Variants in WDPCP observed in about 807,000 individuals in gnomAD.
The protein encoded by WDPCP is WD repeat-containing and planar cell polarity effector protein fritz homolog.
WDPCP carries 71 observed loss-of-function variants against 93.1 expected under a neutral mutation model. The observed-to-expected ratio is 0.76, with a 90% CI of 0.63 to 0.93. The LOEUF (loss-of-function observed/expected upper bound fraction) is 0.93. Among genes scored for constraint, WDPCP ranks in the 40% least tolerant of loss-of-function variants. WDPCP has a pLI of 0.00. For synonymous variants in WDPCP, 315 were observed against 315.0 expected (o/e 1.00, Z 0.00); for missense variants, 844 against 887.4 (o/e 0.95, Z 0.62).
intron 12 of WDPCP, 180 bp downstream of exon 12, chr2:63,378,206 A>G: frequency 4.8e-6 from 4 of 831,552 alleles, no homozygotes; most frequent in Non-Finnish European, 5.5e-6. Context: ...TAATATTCAA[A>G]TATTTCCTTA....
At chr2:63,235,172 A>T (rs1408969389) in intron 14 of WDPCP, among the ~76,000 whole-genome samples, 1 of 152,188 alleles carries the variant, frequency 6.6e-6, no homozygotes, top group Non-Finnish European at 1.5e-5. Flanking sequence ...ATTACAACAG[A>T]TCCCACAGAT....
At chr2:63,601,916 A>G (rs945557835) in intron 3 of WDPCP, among the ~76,000 whole-genome samples, 3 of 152,228 alleles carry the variant, frequency 2.0e-5, no homozygotes, top group Non-Finnish European at 2.9e-5. Flanking sequence ...ATATAAGAGC[A>G]GTTTCTTCCC....
chr2:63,171,883 A>G (rs1270543329), intron 15 of WDPCP, among the ~76,000 whole-genome samples: 1 of 152,232 alleles, frequency 6.6e-6, no homozygotes, highest in Non-Finnish European at 1.5e-5. Context: ...TACACATTAC[A>G]TGAGCCTCAG....
At chr2:63,370,617 A>G (rs1208636684) in intron 12 of WDPCP, among the ~76,000 whole-genome samples, 1 of 152,202 alleles carries the variant, frequency 6.6e-6, no homozygotes. Context: ...ATGGAACCTC[A>G]CTTGCAAAAA....
chr2:63,251,671 T>C (rs1680739993), intron 14 of WDPCP, among the ~76,000 whole-genome samples: 1 of 151,778 alleles, frequency 6.6e-6, no homozygotes, highest in Admixed American at 6.6e-5. Flanking sequence ...TTTTGTATTT[T>C]TAGTAGAGAC....
At chr2:63,247,962 T>C (rs1680419536) in intron 14 of WDPCP, among the ~76,000 whole-genome samples, 1 of 152,150 alleles carries the variant, frequency 6.6e-6, no homozygotes, top group African/African-American at 2.4e-5. Flanking sequence ...GGGAATTATA[T>C]ATAACATTCT....
chr2:63,161,721 A>C (rs1463869484), intron 15 of WDPCP, among the ~76,000 whole-genome samples: 2 of 152,106 alleles, frequency 1.3e-5, no homozygotes, highest in Non-Finnish European at 2.9e-5. Flanking sequence ...ACTTGTATTA[A>C]TAAAATATAT....
At chr2:63,383,524 G>A (rs1267072337) in intron 10 of WDPCP, among the ~76,000 whole-genome samples, 1 of 152,118 alleles carries the variant, frequency 6.6e-6, no homozygotes, top group Non-Finnish European at 1.5e-5. Flanking sequence ...AGACAGGCAT[G>A]GCAAACATGG....
chr2:63,357,670 T>C (rs1363876967), intron 12 of WDPCP, among the ~76,000 whole-genome samples: 1 of 152,132 alleles, frequency 6.6e-6, no homozygotes, highest in East Asian at 1.9e-4. Flanking sequence ...AGTGTTAATT[T>C]AGTCAACCAC....
intron 2 of WDPCP, among the ~76,000 whole-genome samples, chr2:63,664,302 G>C (rs1214718147): frequency 1.3e-5 from 2 of 152,348 alleles, no homozygotes; most frequent in Admixed American, 6.5e-5. Flanking sequence ...TGTCCAGGAA[G>C]ATAGAGAACC....
chr2:63,626,600 G>C (rs1276539496), intron 3 of WDPCP, among the ~76,000 whole-genome samples: 4 of 152,188 alleles, frequency 2.6e-5, no homozygotes, highest in Non-Finnish European at 5.9e-5. Context: ...GGTCATTAGA[G>C]AAATGCAAAT....
In WDPCP at chr2:63,575,506, C is replaced by CTATATATATAGTGTATAT. The variant is rs1708019863; in HGVS notation, c.75+12690_75+12691insATATACACTATATATATA. Among the ~76,000 whole-genome samples, 2 of 79,152 alleles carry CTATATATATAGTGTATAT rather than the reference C, an allele frequency of 2.5e-5. 1 individual carries two copies. The highest frequency in any genetic ancestry group is 2.6e-4 in the Admixed American group (2 of 7,630). 51.9% of individuals were successfully genotyped at this position (79,152 alleles called of 152,430 possible). ...GTATATATAGTATATACAGTATATA[C>CTATATATATAGTGTATAT]ACTGTATATATAGTATATACAGTAT... On this transcript the variant is annotated intron_variant, in intron 1 of 17. Coordinates refer to ENST00000272321, the MANE Select transcript of WDPCP (RefSeq NM_015910.7).
rs532211325 is a variant in WDPCP, at chr2:63,324,274, C to A, written c.1749-10963G>T. Among the ~76,000 whole-genome samples, 59 of 152,254 alleles carry A rather than the reference C, an allele frequency of 3.9e-4. 1 individual carries two copies. The highest frequency in any genetic ancestry group is 1.2e-3 in the African/African-American group (50 of 41,550). ...TTGCAATTTACATCCCCCAGGAGGACCTTTCAGCTTAGTCCCATATCCTAG... is the reference window on the plus strand; with the variant it reads ...TTGCAATTTACATCCCCCAGGAGGAACTTTCAGCTTAGTCCCATATCCTAG... On this transcript the variant is annotated intron_variant, in intron 12 of 17. Coordinates refer to ENST00000272321, the MANE Select transcript of WDPCP (RefSeq NM_015910.7).
At chr2:63,805,631 A>G (rs1009383723) in intron 2 of WDPCP, among the ~76,000 whole-genome samples, 8 of 152,232 alleles carry the variant, frequency 5.3e-5, no homozygotes, top group African/African-American at 1.7e-4. Context: ...GTCCCTCCAC[A>G]TGAAAACAGA....
chr2:63,553,894 T>C (rs1317980592), intron 1 of WDPCP, among the ~76,000 whole-genome samples: 1 of 152,204 alleles, frequency 6.6e-6, no homozygotes, highest in African/African-American at 2.4e-5. Flanking sequence ...TTCAAGCCAT[T>C]TGAAATTAAG....
At chr2:63,688,156 G>T (rs1668837192) in intron 2 of WDPCP, among the ~76,000 whole-genome samples, 1 of 152,170 alleles carries the variant, frequency 6.6e-6, no homozygotes, top group Non-Finnish European at 1.5e-5. Context: ...GCCTGGCGCG[G>T]TGGCTCACGC....
At chr2:63,535,142 T>C (rs1704178407) in intron 1 of WDPCP, among the ~76,000 whole-genome samples, 1 of 152,072 alleles carries the variant, frequency 6.6e-6, no homozygotes, top group Non-Finnish European at 1.5e-5. Flanking sequence ...TACCTAGGAA[T>C]CCAACTTACA....
chr2:63,727,941 C>A (rs1442024643), intron 2 of WDPCP, among the ~76,000 whole-genome samples: 1 of 152,012 alleles, frequency 6.6e-6, no homozygotes, highest in East Asian at 1.9e-4. Context: ...GTCTATCAAT[C>A]TTATTTTTTG....
chr2:63,450,642 G>A (rs1698178562), intron 6 of WDPCP, among the ~76,000 whole-genome samples: 1 of 152,100 alleles, frequency 6.6e-6, no homozygotes, highest in Non-Finnish European at 1.5e-5. Flanking sequence ...CTGAAGACTA[G>A]CCCAACTGGC....
Sources: allele counts gnomAD v4.1 joint callset (sites outside exome capture counted in the v4.1 genomes callset), GRCh38; gene constraint gnomAD v4.1.1; transcripts MANE v1.5; gene names NCBI Gene and HGNC (gene_info 2026-07-23, HGNC 2026-07-21).